KCNIP4: variants seen among roughly 807,000 people sequenced by gnomAD.
KCNIP4 encodes Kv channel-interacting protein 4.
Under a neutral mutation model 34.0 loss-of-function variants are expected in KCNIP4, and 12 were observed. The observed-to-expected ratio is 0.35, with a 90% CI of 0.23 to 0.57. KCNIP4 has a LOEUF of 0.57. Ranked by LOEUF, KCNIP4 falls within the 20% of genes least tolerant of loss-of-function variation. KCNIP4 has a pLI of 0.83. For missense variants in KCNIP4, 238 were observed against 311.7 expected (o/e 0.76, Z 1.78); for synonymous variants, 124 against 102.2 (o/e 1.21, Z -1.29).
At chr4:21,757,224 AAAG>A (rs1194708156) in intron 1 of KCNIP4, among the ~76,000 whole-genome samples, 3 of 26,602 alleles carry the variant, frequency 1.1e-4, no homozygotes, top group African/African-American at 8.4e-4. Flanking sequence ...AGAAAGAAAG[AAAG>A]AAAGAAAGAA....
At chr4:21,535,482 T>A (rs887585255) in intron 1 of KCNIP4, among the ~76,000 whole-genome samples, 6 of 152,186 alleles carry the variant, frequency 3.9e-5, no homozygotes, top group Admixed American at 1.3e-4. Context: ...CTGATTTTTT[T>A]ATGAATCGCA....
At chr4:21,607,624 T>C (rs1743814434) in intron 1 of KCNIP4, among the ~76,000 whole-genome samples, 1 of 151,864 alleles carries the variant, frequency 6.6e-6, no homozygotes, top group African/African-American at 2.4e-5. Flanking sequence ...CGGGAATCCT[T>C]GCATGGGGAG....
chr4:20,823,046 G>T (rs1161645021), intron 3 of KCNIP4, among the ~76,000 whole-genome samples: 13 of 152,130 alleles, frequency 8.5e-5, no homozygotes, highest in Non-Finnish European at 1.2e-4. Context: ...CCAGTGCTTT[G>T]ATCTTCAACT....
chr4:21,323,895 T>A (rs1714757911), intron 1 of KCNIP4, among the ~76,000 whole-genome samples: 1 of 152,060 alleles, frequency 6.6e-6, no homozygotes, highest in African/African-American at 2.4e-5. Context: ...TTTCTCCATA[T>A]CCTTGCCAGC....
At chr4:21,205,182 C>G (rs1413113131) in intron 1 of KCNIP4, among the ~76,000 whole-genome samples, 1 of 152,154 alleles carries the variant, frequency 6.6e-6, no homozygotes, top group Admixed American at 6.5e-5. Flanking sequence ...CACAAATGTC[C>G]TATATTTCTT....
chr4:21,051,265 G>C (rs1742904587), intron 1 of KCNIP4, among the ~76,000 whole-genome samples: 1 of 152,146 alleles, frequency 6.6e-6, no homozygotes, highest in Non-Finnish European at 1.5e-5. Flanking sequence ...GTTTTAAAGA[G>C]ACTACATTTA....
At chr4:21,786,426 T>C (rs1385055571) in intron 1 of KCNIP4, among the ~76,000 whole-genome samples, 7 of 152,240 alleles carry the variant, frequency 4.6e-5, no homozygotes, top group African/African-American at 1.7e-4. Context: ...TATAATCTGA[T>C]CAGTCATTTT....
chr4:20,739,046 G>A (rs532300062), intron 5 of KCNIP4, among the ~76,000 whole-genome samples: 32 of 152,242 alleles, frequency 2.1e-4, no homozygotes, highest in African/African-American at 5.1e-4. Context: ...AGGGAGGGGC[G>A]TCCACCATTG....
chr4:21,189,009 A>G (rs1362964338), intron 1 of KCNIP4, among the ~76,000 whole-genome samples: 1 of 152,228 alleles, frequency 6.6e-6, no homozygotes, highest in African/African-American at 2.4e-5. Context: ...CACTCTTTGC[A>G]TACTTGGGCA....
chr4:20,908,429 A>G (rs577014168), intron 1 of KCNIP4, among the ~76,000 whole-genome samples: 10 of 152,314 alleles, frequency 6.6e-5, no homozygotes, highest in African/African-American at 2.4e-4. Flanking sequence ...TAGCTTAAAT[A>G]CTAACGATTG....
chr4:21,812,943 T>C (rs950535673), intron 1 of KCNIP4, among the ~76,000 whole-genome samples: 3 of 152,146 alleles, frequency 2.0e-5, no homozygotes, highest in Non-Finnish European at 4.4e-5. Flanking sequence ...AGACTTGAGA[T>C]ACAGGATTCC....
chr4:21,643,918 T>C (rs1441962000), intron 1 of KCNIP4, among the ~76,000 whole-genome samples: 1 of 129,614 alleles, frequency 7.7e-6, no homozygotes, highest in African/African-American at 2.8e-5. Flanking sequence ...ATAGATAGAC[T>C]GGCAGAAAGA....
At chr4:21,571,896 C>T (rs918333115) in intron 1 of KCNIP4, among the ~76,000 whole-genome samples, 3 of 152,110 alleles carry the variant, frequency 2.0e-5, no homozygotes, top group Non-Finnish European at 4.4e-5. Flanking sequence ...TACATTAATA[C>T]CCCATTATCT....
At chr4:21,305,975 T>G (rs570936320) in intron 1 of KCNIP4, among the ~76,000 whole-genome samples, 2 of 152,320 alleles carry the variant, frequency 1.3e-5, no homozygotes, top group South Asian at 4.1e-4. Context: ...AGGGCAGAGA[T>G]CATGCCTTGC....
chr4:21,313,282 C>T (rs903015430), intron 1 of KCNIP4, among the ~76,000 whole-genome samples: 3 of 152,276 alleles, frequency 2.0e-5, no homozygotes, highest in Non-Finnish European at 4.4e-5. Flanking sequence ...TTCCAAATAT[C>T]GTCTCCTCCA....
At chr4:21,127,494 T>A (rs1387427481) in intron 1 of KCNIP4, among the ~76,000 whole-genome samples, 1 of 152,216 alleles carries the variant, frequency 6.6e-6, no homozygotes, top group Non-Finnish European at 1.5e-5. Context: ...GTTTATCATC[T>A]GCACTTCCAT....
At chr4:21,332,251 AATTAATATGGTAT>A (rs1232639792) in intron 1 of KCNIP4, among the ~76,000 whole-genome samples, 1 of 152,046 alleles carries the variant, frequency 6.6e-6, no homozygotes, top group Non-Finnish European at 1.5e-5. Flanking sequence ...ACTATAAGCT[AATTAATATGGTAT>A]ATTATACGGA....
At chr4:20,816,179 G>A (rs1470311409) in intron 3 of KCNIP4, among the ~76,000 whole-genome samples, 3 of 151,702 alleles carry the variant, frequency 2.0e-5, no homozygotes, top group Admixed American at 2.0e-4. Context: ...ACTTGAACTT[G>A]GGAGGCAGAG....
chr4:20,836,412 A>C (rs1221457487), intron 3 of KCNIP4, among the ~76,000 whole-genome samples: 2 of 152,212 alleles, frequency 1.3e-5, no homozygotes, highest in East Asian at 3.8e-4. Flanking sequence ...GGCCTGCTAC[A>C]TCACTCAGAT....
Sources: gnomAD v4.1 joint callset for allele counts (sites outside exome capture counted in the v4.1 genomes callset) on GRCh38, gnomAD v4.1.1 for gene constraint, MANE v1.5 for transcripts, NCBI Gene and HGNC (gene_info 2026-07-23, HGNC 2026-07-21) for gene names.